Variants in ATXN1 observed in about 807,000 individuals in gnomAD.
ATXN1 encodes the protein ataxin 1, also known as ataxin-1.
Under a neutral mutation model 56.4 loss-of-function variants are expected in ATXN1, and 8 were observed. The observed-to-expected ratio is 0.14, with a 90% CI of 0.08 to 0.26. ATXN1 has a LOEUF of 0.26. Ranked by LOEUF, ATXN1 falls within the 10% of genes least tolerant of loss-of-function variation. The pLI, the probability that ATXN1 is intolerant of heterozygous loss-of-function variation, is 1.00. For missense variants in ATXN1, 987 were observed against 1,106.5 expected (o/e 0.89, Z 1.53); for synonymous variants, 514 against 494.6 (o/e 1.04, Z -0.52).
intron 7 of ATXN1, among the ~76,000 whole-genome samples, chr6:16,313,338 C>A (rs1235274214): frequency 6.6e-6 from 1 of 152,108 alleles, no homozygotes; most frequent in Non-Finnish European, 1.5e-5. Flanking sequence ...GAGGGTCACT[C>A]GAGCTACTGC....
At position 16,665,700 on chromosome 6, in the gene ATXN1, G is replaced by A. The variant is rs147956994; in HGVS notation, c.-614-7799C>T. 4.6e-5 allele frequency among the ~76,000 whole-genome samples: 7 copies of A among 152,236 alleles called. No individual in the cohort carries two copies. In the East Asian group the frequency reaches 1.4e-3, roughly 29 times the overall value. ...CATTTGTCCTCTTGGGGATCACTGA[G>A]TACAACCTAACAAAGACCATTAACC... On this transcript the variant is annotated intron_variant, in intron 2 of 7. Transcript: ENST00000436367.
At chr6:16,512,253 T>C (rs1191634490) in intron 5 of ATXN1, among the ~76,000 whole-genome samples, 5 of 152,248 alleles carry the variant, frequency 3.3e-5, no homozygotes, top group African/African-American at 1.2e-4. Context: ...CACCATTTGT[T>C]TGAGTATCCG....
At chr6:16,739,119 C>T (rs1019297475) in intron 2 of ATXN1, 24 of 149,722 alleles carry the variant, frequency 1.6e-4, no homozygotes, top group Non-Finnish European at 2.8e-4. Context: ...CATTTTGACC[C>T]TTTCCTGACA....
chr6:16,662,010 T>G (rs1271083391), intron 2 of ATXN1, among the ~76,000 whole-genome samples: 1 of 152,200 alleles, frequency 6.6e-6, no homozygotes, highest in East Asian at 1.9e-4. Flanking sequence ...AGTAATTACT[T>G]ACACAGCAGT....
chr6:16,628,186 G>A (rs1047236029), intron 3 of ATXN1, among the ~76,000 whole-genome samples: 2 of 152,220 alleles, frequency 1.3e-5, no homozygotes, highest in African/African-American at 4.8e-5. Flanking sequence ...AATGCAGGTG[G>A]AAGCAGTCCT....
At chr6:16,710,092 C>T (rs1759490683) in intron 2 of ATXN1, among the ~76,000 whole-genome samples, 1 of 152,132 alleles carries the variant, frequency 6.6e-6, no homozygotes, top group Non-Finnish European at 1.5e-5. Flanking sequence ...GAAAAACCTA[C>T]AGCTAACATC....
At chr6:16,394,774 A>C (rs1252908725) in intron 6 of ATXN1, among the ~76,000 whole-genome samples, 1 of 152,210 alleles carries the variant, frequency 6.6e-6, no homozygotes, top group Non-Finnish European at 1.5e-5. Flanking sequence ...TGAGACCAAG[A>C]GTAGACAGCC....
chr6:16,463,795 C>T (rs1193060122), intron 6 of ATXN1, among the ~76,000 whole-genome samples: 1 of 152,220 alleles, frequency 6.6e-6, no homozygotes, highest in Non-Finnish European at 1.5e-5. Flanking sequence ...TTCTACGTCC[C>T]ATGACAGCCA....
intron 4 of ATXN1, among the ~76,000 whole-genome samples, chr6:16,561,909 ACTCCCTCAGGAC>A (rs1228719387): frequency 2.0e-5 from 3 of 152,080 alleles, no homozygotes; most frequent in African/African-American, 7.2e-5. Context: ...AAGTCACAAC[ACTCCCTCAGGAC>A]CTGGAAGATG....
chr6:16,701,394 G>C (rs984131985), intron 2 of ATXN1, among the ~76,000 whole-genome samples: 3 of 152,198 alleles, frequency 2.0e-5, no homozygotes, highest in Non-Finnish European at 4.4e-5. Context: ...AGGGGAGAAG[G>C]AGTAGGCTGT....
At chr6:16,443,207 G>GAA (rs1759554567) in intron 6 of ATXN1, among the ~76,000 whole-genome samples, 1 of 23,912 alleles carries the variant, frequency 4.2e-5, no homozygotes, top group Non-Finnish European at 7.2e-5. Flanking sequence ...ATCTATTGGA[G>GAA]CAAAAAAAAA....
In ATXN1 at chr6:16,304,970, C is replaced by G. The variant is rs1760207059; in HGVS notation, c.*1359G>C. 1 of 152,572 alleles carries G rather than the reference C, an allele frequency of 6.6e-6. No homozygotes were observed. Among genetic ancestry groups the G allele is most frequent in the African/African-American group, 2.4e-5 (1 of 41,422 alleles). 9.5% of individuals were successfully genotyped at this position (152,572 alleles called of 1,614,324 possible). The stretch of plus-strand genomic sequence containing the variant: ...CTCCCGTCAGGTAGTACTTGGTGGT[C>G]ATTTATTGTCACATACTAGTTCATA... On this transcript the variant is annotated 3_prime_UTR_variant, in exon 8 of 8. Transcript: ENST00000436367.
chr6:16,637,917 A>C (rs1007387917), intron 3 of ATXN1, among the ~76,000 whole-genome samples: 1 of 152,222 alleles, frequency 6.6e-6, no homozygotes, highest in African/African-American at 2.4e-5. Flanking sequence ...TTTCCTTGGA[A>C]ACAGCTGGCA....
chr6:16,480,062 G>A (rs1385728831), intron 6 of ATXN1, among the ~76,000 whole-genome samples: 2 of 140,620 alleles, frequency 1.4e-5, no homozygotes, highest in Non-Finnish European at 3.0e-5. Flanking sequence ...TGAGGCAGGA[G>A]AATCGCTTGA....
At chr6:16,629,865 C>T (rs956155092) in intron 3 of ATXN1, among the ~76,000 whole-genome samples, 21 of 150,382 alleles carry the variant, frequency 1.4e-4, no homozygotes, top group African/African-American at 4.9e-4. Context: ...TGCAGTGAGC[C>T]GAGATCACAC....
At chr6:16,702,506 G>C (rs1759307953) in intron 2 of ATXN1, among the ~76,000 whole-genome samples, 1 of 152,180 alleles carries the variant, frequency 6.6e-6, no homozygotes, top group South Asian at 2.1e-4. Context: ...AAACTAAAGA[G>C]CTTCTGCACA....
rs968120047 is a variant in ATXN1, at chr6:16,760,671, G to GT, written c.-730+626_-730+627insA. Among the ~76,000 whole-genome samples, 97 of 151,286 alleles carry GT rather than the reference G, an allele frequency of 6.4e-4. No individual in the cohort carries two copies. The highest frequency in any genetic ancestry group is 1.2e-3 in the Non-Finnish European group (80 of 67,672). On this transcript the variant is annotated intron_variant, in intron 1 of 7. Coordinates refer to ENST00000436367, the MANE Select transcript of ATXN1 (RefSeq NM_001128164.2). The surrounding 1 kb of genome is among the most constrained non-coding windows in gnomAD (Gnocchi z 5.3). ...CCCGGCGAGGCCGGCCCTCCGAGGG[G>GT]AGACCCCCGCCCCAGGGCGCCGAGG...
At chr6:16,698,649 TTAA>T in intron 2 of ATXN1, among the ~76,000 whole-genome samples, 1 of 45,576 alleles carries the variant, frequency 2.2e-5, no homozygotes, top group Non-Finnish European at 4.0e-5. Context: ...ACCTCAAAAA[TTAA>T]AAAAAAAAAA....
intron 6 of ATXN1, among the ~76,000 whole-genome samples, chr6:16,414,727 C>A (rs1004600292): frequency 6.6e-6 from 1 of 152,224 alleles, no homozygotes; most frequent in African/African-American, 2.4e-5. Context: ...TGCAGTAATG[C>A]CTCCTTAAGC....
Sources: allele counts gnomAD v4.1 joint callset (sites outside exome capture counted in the v4.1 genomes callset), GRCh38; gene constraint gnomAD v4.1.1; non-coding constraint Gnocchi (gnomAD v3.1); transcripts MANE v1.5; gene names NCBI Gene and HGNC (gene_info 2026-07-23, HGNC 2026-07-21).